The following FOXP2 variants were observed in gnomAD, a reference collection of about 807,000 sequenced individuals.
The protein encoded by FOXP2 is forkhead box protein P2.
A neutral mutation model predicts 115.8 loss-of-function variants in FOXP2; 12 were observed. The observed-to-expected ratio is 0.10, with a 90% CI of 0.07 to 0.17. The LOEUF is 0.17. FOXP2 is among the 10% of genes least tolerant of loss of function. FOXP2 has a pLI of 1.00. For missense variants in FOXP2, 629 were observed against 843.5 expected (o/e 0.75, Z 3.15); for synonymous variants, 328 against 297.7 (o/e 1.10, Z -1.05).
At chr7:114,324,623 T>C (rs928757258) in intron 2 of FOXP2, among the ~76,000 whole-genome samples, 1 of 151,992 alleles carries the variant, frequency 6.6e-6, no homozygotes, top group Admixed American at 6.5e-5. Flanking sequence ...CCAATAATTA[T>C]TCCTAATAAT....
intron 1 of FOXP2, among the ~76,000 whole-genome samples, chr7:114,132,541 T>TTGTGTG (rs145500210): frequency 3.4e-4 from 31 of 90,658 alleles, no homozygotes; most frequent in African/African-American, 1.1e-3. Context: ...AAAAGATAAA[T>TTGTGTG]TGTGTGTGTG....
chr7:114,564,758 G>T (rs959280063), intron 3 of FOXP2, among the ~76,000 whole-genome samples: 2 of 151,598 alleles, frequency 1.3e-5, no homozygotes, highest in South Asian at 4.2e-4. Context: ...GTATGCACTT[G>T]TAGTCCCAGC....
Position 114,434,658 on chromosome 7 carries a change from C to T in FOXP2, c.168+7979C>T, listed in dbSNP as rs139429606. On this transcript the variant is annotated intron_variant, in intron 2 of 16. Transcript: ENST00000350908. ...TTTCTAATTCTCCTTTTCTTATAGT[C>T]GAGCAGCCTGTTTCGTTAAGAAAAA... Among the ~76,000 whole-genome samples the T allele has an allele frequency of 3.2e-4, 49 of 151,904 alleles. 1 individual carries two copies. The highest frequency in any genetic ancestry group is 1.0e-3 in the African/African-American group (43 of 41,490).
chr7:114,278,763 C>T (rs896671227), intron 1 of FOXP2, among the ~76,000 whole-genome samples: 11 of 152,188 alleles, frequency 7.2e-5, no homozygotes, highest in Non-Finnish European at 1.0e-4. Context: ...AAACCAAGTA[C>T]TGTAAAGTGA....
At chr7:114,542,226 T>C (rs1432160207) in intron 3 of FOXP2, among the ~76,000 whole-genome samples, 1 of 152,172 alleles carries the variant, frequency 6.6e-6, no homozygotes, top group Non-Finnish European at 1.5e-5. Flanking sequence ...TTTTACTTTA[T>C]TGCTGTCTCT....
At chr7:114,182,673 G>T (rs1459775215) in intron 1 of FOXP2, among the ~76,000 whole-genome samples, 1 of 151,126 alleles carries the variant, frequency 6.6e-6, no homozygotes, top group Non-Finnish European at 1.5e-5. Flanking sequence ...TAATTAAAAG[G>T]CCTAATCCCA....
chr7:114,573,097 C>A (rs1005409804), intron 3 of FOXP2, among the ~76,000 whole-genome samples: 5 of 151,778 alleles, frequency 3.3e-5, no homozygotes, highest in African/African-American at 1.2e-4. Flanking sequence ...AGGAGCATAG[C>A]AGTGCATTTG....
At chr7:114,606,491 T>G (rs185951513) in intron 3 of FOXP2, among the ~76,000 whole-genome samples, 3 of 152,338 alleles carry the variant, frequency 2.0e-5, no homozygotes, top group East Asian at 3.9e-4. Flanking sequence ...CACTCTCATC[T>G]TCTTCTGCAA....
At chr7:114,589,798 A>T (rs1335071813) in intron 3 of FOXP2, among the ~76,000 whole-genome samples, 1 of 152,114 alleles carries the variant, frequency 6.6e-6, no homozygotes, top group Admixed American at 6.6e-5. Context: ...GTAAGAGCTT[A>T]CTACTGGTAT....
At chr7:114,558,458 G>T (rs1800577644) in intron 3 of FOXP2, among the ~76,000 whole-genome samples, 2 of 152,104 alleles carry the variant, frequency 1.3e-5, no homozygotes, top group South Asian at 4.1e-4. Context: ...AAGCCACTTT[G>T]CTTTATATGG....
chr7:114,470,925 C>T (rs1363040640), intron 2 of FOXP2, among the ~76,000 whole-genome samples: 1 of 152,090 alleles, frequency 6.6e-6, no homozygotes, highest in African/African-American at 2.4e-5. Context: ...CCATGCTGTT[C>T]TATAACCCTG....
chr7:114,656,903 T>G (rs997137113), intron 10 of FOXP2, among the ~76,000 whole-genome samples: 1 of 152,038 alleles, frequency 6.6e-6, no homozygotes, highest in Non-Finnish European at 1.5e-5. Flanking sequence ...TCTTAAGAAG[T>G]GTATTTGGGA....
chr7:114,330,645 A>G (rs535382997), intron 2 of FOXP2, among the ~76,000 whole-genome samples: 2 of 152,096 alleles, frequency 1.3e-5, no homozygotes, highest in South Asian at 4.1e-4. Flanking sequence ...AGAAACTTAT[A>G]TGAATCATAA....
At chr7:114,198,426 G>A (rs1276234621) in intron 1 of FOXP2, among the ~76,000 whole-genome samples, 1 of 152,156 alleles carries the variant, frequency 6.6e-6, no homozygotes, top group Non-Finnish European at 1.5e-5. Flanking sequence ...GAATGCTATA[G>A]GGGGGTAGGG....
chr7:114,271,229 A>C (rs915502912), intron 1 of FOXP2, among the ~76,000 whole-genome samples: 2 of 151,622 alleles, frequency 1.3e-5, no homozygotes, highest in Admixed American at 1.3e-4. Flanking sequence ...GCAAACAAAG[A>C]GAGTTTTATT....
intron 16 of FOXP2, among the ~76,000 whole-genome samples, chr7:114,686,535 G>C (rs1019963844): frequency 6.6e-6 from 1 of 152,128 alleles, no homozygotes; most frequent in Non-Finnish European, 1.5e-5. Context: ...AAATATCAAA[G>C]TAAATGTTCT....
At position 114,264,070 on chromosome 7, in the gene FOXP2, G is replaced by A. The variant is rs147032788; in HGVS notation, c.-101-23949G>A. On this transcript the variant is annotated intron_variant, in intron 1 of 17. Transcript: ENST00000634411. ...CCAGGAGTTCTGAAAGTGTGTCTAG[G>A]GTTTCTCTAAGACCCTGTCAAGGTG... 2.6e-5 allele frequency among the ~76,000 whole-genome samples: 4 copies of A among 152,008 alleles called. No homozygotes were observed. The East Asian group carries it at 7.8e-4, about 30-fold the overall frequency.
intron 3 of FOXP2, among the ~76,000 whole-genome samples, chr7:114,544,303 G>T (rs890012512): frequency 2.0e-5 from 3 of 151,918 alleles, no homozygotes; most frequent in South Asian, 2.1e-4. Flanking sequence ...GATTTTATGC[G>T]CCCCCACCCT....
At chr7:114,534,588 T>C in intron 2 of FOXP2, 29 bp from the exon 3 acceptor site, 2 of 1,587,508 alleles carry the variant, frequency 1.3e-6, no homozygotes, top group Non-Finnish European at 1.7e-6. Flanking sequence ...CAACAAAATA[T>C]TTAGATAAGG....
Sources: gnomAD v4.1 joint callset for allele counts (sites outside exome capture counted in the v4.1 genomes callset) on GRCh38, gnomAD v4.1.1 for gene constraint, MANE v1.5 for transcripts, NCBI Gene and HGNC (gene_info 2026-07-23, HGNC 2026-07-21) for gene names.